EPHB1: variants seen among roughly 807,000 people sequenced by gnomAD.
EPHB1 encodes the protein ephrin type-B receptor 1.
EPHB1 carries 30 observed loss-of-function variants against 94.4 expected under a neutral mutation model. The observed-to-expected ratio is 0.32, with a 90% CI of 0.24 to 0.43. The LOEUF (loss-of-function observed/expected upper bound fraction) is 0.43. EPHB1 is among the 20% of genes least tolerant of loss of function. The probability of loss-of-function intolerance (pLI) is 1.00; values close to 1 mark genes in which losing one functional copy is unlikely to be tolerated. For missense variants in EPHB1, 1,055 were observed against 1,308.3 expected (o/e 0.81, Z 2.99); for synonymous variants, 522 against 489.1 (o/e 1.07, Z -0.89).
At chr3:134,854,881 T>C (rs1340803912) in intron 1 of EPHB1, among the ~76,000 whole-genome samples, 1 of 150,994 alleles carries the variant, frequency 6.6e-6, no homozygotes, top group Admixed American at 6.7e-5. Flanking sequence ...ATAGATTCTC[T>C]ATAAAAAGTT....
intron 3 of EPHB1, among the ~76,000 whole-genome samples, chr3:134,987,415 G>T (rs1934638607): frequency 6.6e-6 from 1 of 152,062 alleles, no homozygotes; most frequent in South Asian, 2.1e-4. Flanking sequence ...TTAATCCAGT[G>T]TCTTTATAAA....
chr3:134,906,883 G>C (rs1042946046), intron 1 of EPHB1, among the ~76,000 whole-genome samples: 2 of 152,208 alleles, frequency 1.3e-5, no homozygotes. Context: ...TCAACTGATG[G>C]TGTTGTGTTC....
chr3:135,249,636 G>A (rs1469311555), intron 15 of EPHB1, 145 bp downstream of exon 15: 1 of 906,802 alleles, frequency 1.1e-6, no homozygotes, highest in South Asian at 2.2e-5. Flanking sequence ...GGAGCACCTT[G>A]GAAAGATGAA....
intron 5 of EPHB1, among the ~76,000 whole-genome samples, chr3:135,153,130 A>G (rs1354859190): frequency 6.6e-6 from 1 of 152,214 alleles, no homozygotes; most frequent in Non-Finnish European, 1.5e-5. Context: ...TGCAGTGTAA[A>G]TTCCAGGTCT....
chr3:134,921,121 C>T (rs1428379205), intron 1 of EPHB1, among the ~76,000 whole-genome samples: 1 of 152,122 alleles, frequency 6.6e-6, no homozygotes, highest in Non-Finnish European at 1.5e-5. Flanking sequence ...CCAGAAATCC[C>T]TTCTATCTGC....
chr3:135,113,597 C>T (rs565519974), intron 4 of EPHB1, among the ~76,000 whole-genome samples: 5 of 152,232 alleles, frequency 3.3e-5, no homozygotes, highest in Admixed American at 2.6e-4. Context: ...TGCAGGGCAG[C>T]GTCACTCCAT....
chr3:134,811,681 G>A (rs774069676), intron 1 of EPHB1, among the ~76,000 whole-genome samples: 1 of 152,032 alleles, frequency 6.6e-6, no homozygotes, highest in Non-Finnish European at 1.5e-5. Context: ...AGACTTTTTA[G>A]TCTTCCTCCT....
chr3:134,941,030 A>G (rs969276388), intron 2 of EPHB1, among the ~76,000 whole-genome samples: 2 of 152,250 alleles, frequency 1.3e-5, no homozygotes, highest in African/African-American at 4.8e-5. Context: ...AAAGGTGTCC[A>G]GAGGAAGTGC....
At chr3:135,187,588 G>T (rs1242252164) in intron 10 of EPHB1, among the ~76,000 whole-genome samples, 1 of 152,120 alleles carries the variant, frequency 6.6e-6, no homozygotes, top group Non-Finnish European at 1.5e-5. Flanking sequence ...GTGACACAGG[G>T]TCTTGATTTC....
intron 1 of EPHB1, among the ~76,000 whole-genome samples, chr3:134,821,203 G>T (rs1217845898): frequency 6.6e-6 from 1 of 152,216 alleles, no homozygotes; most frequent in Non-Finnish European, 1.5e-5. Context: ...TCAACTGATT[G>T]GATGTGGCCC....
intron 1 of EPHB1, among the ~76,000 whole-genome samples, chr3:134,826,268 GC>G (rs2036476942): frequency 8.7e-6 from 1 of 114,316 alleles, no homozygotes; most frequent in South Asian, 3.4e-4. Flanking sequence ...AAAAAAAAAA[GC>G]AATTGAAAAT....
intron 5 of EPHB1, among the ~76,000 whole-genome samples, chr3:135,143,684 C>G (rs899851820): frequency 6.6e-6 from 1 of 152,128 alleles, no homozygotes; most frequent in Non-Finnish European, 1.5e-5. Context: ...AGTGACATGC[C>G]CCAGTTGACA....
chr3:134,902,836 A>T (rs1515362), intron 1 of EPHB1, among the ~76,000 whole-genome samples: 56,584 of 152,164 alleles, frequency 0.37, 12,594 homozygotes, highest in East Asian at 0.72. Flanking sequence ...GCTTTAAGGT[A>T]TCAGAGTGGT....
intron 3 of EPHB1, among the ~76,000 whole-genome samples, chr3:134,979,736 T>C (rs1408750341): frequency 1.3e-5 from 2 of 151,338 alleles, no homozygotes; most frequent in Non-Finnish European, 3.0e-5. Context: ...AATGGGTTGA[T>C]CAGGAGCAAC....
chr3:135,160,126 C>G (rs1941465293), intron 6 of EPHB1, among the ~76,000 whole-genome samples: 1 of 152,150 alleles, frequency 6.6e-6, no homozygotes, highest in South Asian at 2.1e-4. Flanking sequence ...TACCAGTCCA[C>G]CCACAGATGT....
At chr3:134,908,723 G>A (rs752419033) in intron 1 of EPHB1, among the ~76,000 whole-genome samples, 19 of 152,228 alleles carry the variant, frequency 1.2e-4, no homozygotes, top group East Asian at 1.9e-4. Flanking sequence ...GGGAGAAGGC[G>A]TGAGGAGGGA....
At chr3:134,905,798 A>G (rs36221) in intron 1 of EPHB1, among the ~76,000 whole-genome samples, 100,508 of 152,026 alleles carry the variant, frequency 0.66, 34,683 homozygotes, top group Admixed American at 0.81. Flanking sequence ...TGAAAGCCAG[A>G]CAGAGCCTTG....
At chr3:134,901,843 T>C (rs2038210349) in intron 1 of EPHB1, among the ~76,000 whole-genome samples, 1 of 152,242 alleles carries the variant, frequency 6.6e-6, no homozygotes, top group African/African-American at 2.4e-5. Flanking sequence ...TGTATCTTCA[T>C]CTGTCAAGTG....
chr3:135,005,078 A>G (rs912604789), intron 3 of EPHB1, among the ~76,000 whole-genome samples: 5 of 151,958 alleles, frequency 3.3e-5, no homozygotes, highest in African/African-American at 9.7e-5. Flanking sequence ...TTTTTTCCCC[A>G]TCTTTGTGGT....
Sources: allele counts gnomAD v4.1 joint callset (sites outside exome capture counted in the v4.1 genomes callset), GRCh38; gene constraint gnomAD v4.1.1; transcripts MANE v1.5; gene names NCBI Gene and HGNC (gene_info 2026-07-23, HGNC 2026-07-21).